The following DAB2IP variants were observed in gnomAD, a reference collection of about 807,000 sequenced individuals.
DAB2IP encodes the protein disabled homolog 2-interacting protein.
DAB2IP carries 28 observed loss-of-function variants against 107.2 expected under a neutral mutation model. The ratio of observed to expected loss-of-function variants is 0.26; its 90% CI spans 0.19 to 0.36. The LOEUF (loss-of-function observed/expected upper bound fraction) is 0.36. Among genes scored for constraint, DAB2IP ranks in the 10% least tolerant of loss-of-function variants. The probability of loss-of-function intolerance (pLI) is 1.00; values close to 1 mark genes in which losing one functional copy is unlikely to be tolerated. For synonymous variants in DAB2IP, 755 were observed against 706.4 expected (o/e 1.07, Z -1.09); for missense variants, 1,400 against 1,644.7 (o/e 0.85, Z 2.57).
rs1042993697 is a variant in DAB2IP at position 121,633,178 on chromosome 9, G to A, written c.41-45500G>A. Among the ~76,000 whole-genome samples, 6 of 152,306 alleles carry A rather than the reference G, an allele frequency of 3.9e-5. No individual in the cohort carries two copies. The East Asian group carries it at 1.2e-3, about 29-fold the overall frequency. On this transcript the variant is annotated intron_variant, in intron 1 of 16. Coordinates refer to the DAB2IP transcript ENST00000259371. This position sits in a 1 kb window ranked among gnomAD's most constrained non-coding sequence, Gnocchi z 5.1. The stretch of plus-strand genomic sequence containing the variant: ...AAACTCCTGAAAAATTCATGAGCAC[G>A]CTGGGAATAGAGACCTCATCGGGAA...
chr9:121,776,534 G>A lies in DAB2IP; in HGVS notation c.3314+143G>A. On this transcript the variant is annotated intron_variant, in intron 14 of 15. Coordinates refer to ENST00000408936, the Ensembl canonical transcript of DAB2IP. The surrounding 1 kb of genome is among the most constrained non-coding windows in gnomAD (Gnocchi z 5.4). ...AGGGAAGAGAGTGTCTGGGCAGTGG[G>A]AGCAGCGTGAGCACAGGCCTGGAGG... is the stretch of plus-strand genomic sequence containing the variant. The A allele has an allele frequency of 1.0e-6, 1 of 996,152 alleles. No homozygotes were observed. The highest frequency in any genetic ancestry group is 1.4e-6 in the Non-Finnish European group (1 of 698,408). 61.7% of individuals were successfully genotyped at this position (996,152 alleles called of 1,614,324 possible).
At position 121,702,343 on chromosome 9, in the gene DAB2IP, T is replaced by C. The variant is rs1231148925; in HGVS notation, c.362+2885T>C. Among the ~76,000 whole-genome samples the C allele has an allele frequency of 6.6e-6, 1 of 152,024 alleles. No individual in the cohort carries two copies. Among genetic ancestry groups the C allele is most frequent in the Admixed American group, 6.6e-5 (1 of 15,254 alleles). ...GGCTGGTTGGGATTGAGGGTTGCTATCTGGTTGTGAGGCTGGGGTCAGGCC... is the reference window on the plus strand; with the variant it reads ...GGCTGGTTGGGATTGAGGGTTGCTACCTGGTTGTGAGGCTGGGGTCAGGCC... On this transcript the variant is annotated intron_variant, in intron 3 of 15. Coordinates refer to ENST00000408936, the Ensembl canonical transcript of DAB2IP. This position sits in a 1 kb window ranked among gnomAD's most constrained non-coding sequence, Gnocchi z 4.5.
chr9:121,585,266 T>G (rs1830287688), intron 1 of DAB2IP, among the ~76,000 whole-genome samples: 1 of 152,086 alleles, frequency 6.6e-6, no homozygotes, highest in Non-Finnish European at 1.5e-5. Context: ...CAATTCCTGG[T>G]GGGTTCAGGA....
intron 3 of DAB2IP, among the ~76,000 whole-genome samples, chr9:121,703,433 A>G (rs1428630580): frequency 2.0e-5 from 3 of 152,036 alleles, no homozygotes; most frequent in Non-Finnish European, 4.4e-5. Context: ...TGATGTCAAG[A>G]TGATAGTGCA....
intron 3 of DAB2IP, among the ~76,000 whole-genome samples, chr9:121,714,497 C>G (rs550409979): frequency 1.3e-5 from 2 of 152,140 alleles, no homozygotes; most frequent in Non-Finnish European, 2.9e-5. Context: ...CCTTTTAGGG[C>G]GGGGCACCGA....
intron 3 of DAB2IP, among the ~76,000 whole-genome samples, chr9:121,724,396 C>T (rs1831108456): frequency 6.6e-6 from 1 of 152,122 alleles, no homozygotes; most frequent in Non-Finnish European, 1.5e-5. Context: ...GGCTTGCTGC[C>T]CCACTTCATT....
In DAB2IP at chr9:121,702,665, C is replaced by A. The variant is rs1010050283; in HGVS notation, c.362+3207C>A. ...ACTGGAAATGCTGCTGCTTCATTTA[C>A]AGGGCTGTTTTAATGTTGGTAAAAG... On this transcript the variant is annotated intron_variant, in intron 3 of 15. Coordinates refer to ENST00000408936, the Ensembl canonical transcript of DAB2IP. The surrounding 1 kb of genome is among the most constrained non-coding windows in gnomAD (Gnocchi z 4.5). Among the ~76,000 whole-genome samples, 1 of 152,162 alleles carries A rather than the reference C, an allele frequency of 6.6e-6. No homozygotes were observed. Among genetic ancestry groups the A allele is most frequent in the Non-Finnish European group, 1.5e-5 (1 of 68,036 alleles).
intron 1 of DAB2IP, among the ~76,000 whole-genome samples, chr9:121,581,783 C>T (rs1304095018): frequency 6.6e-6 from 1 of 152,130 alleles, no homozygotes; most frequent in African/African-American, 2.4e-5. Context: ...CTCAGCAGTC[C>T]CAGTAAAGTA....
chr9:121,773,250 C>A, exon 12 of DAB2IP: 1 of 1,547,866 alleles, frequency 6.5e-7, no homozygotes. Context: ...GGTGCCACGG[C>A]AGAACAGTGC....
At chr9:121,719,529 A>T (rs1451333174) in intron 3 of DAB2IP, among the ~76,000 whole-genome samples, 1 of 152,196 alleles carries the variant, frequency 6.6e-6, no homozygotes. Flanking sequence ...GGCCTGGAGC[A>T]TCGGGAGAGT....
chr9:121,739,097 A>G (rs537110424), intron 3 of DAB2IP, among the ~76,000 whole-genome samples: 18 of 152,346 alleles, frequency 1.2e-4, no homozygotes, highest in African/African-American at 4.1e-4. Context: ...GCAAGATGCT[A>G]TGAAGGAAAC....
chr9:121,610,825 A>G (rs1172989126), intron 1 of DAB2IP, among the ~76,000 whole-genome samples: 1 of 152,140 alleles, frequency 6.6e-6, no homozygotes, highest in Admixed American at 6.5e-5. Context: ...ACGGACCGCC[A>G]GTCCTGGGCC....
chr9:121,758,581 C>A (rs1184698162), intron 4 of DAB2IP, among the ~76,000 whole-genome samples: 1 of 152,136 alleles, frequency 6.6e-6, no homozygotes. Context: ...CTCTTCCCAT[C>A]TCAGGGAGAG....
chr9:121,756,977 G>A (rs1349615585), intron 3 of DAB2IP, 36 bp from the exon 4 acceptor site: 1 of 1,612,872 alleles, frequency 6.2e-7, no homozygotes, highest in Admixed American at 1.7e-5. Flanking sequence ...GACCCGGGCT[G>A]TGGGGGCCCA....
chr9:121,585,335 T>A (rs893425732), intron 1 of DAB2IP, among the ~76,000 whole-genome samples: 2 of 152,044 alleles, frequency 1.3e-5, no homozygotes, highest in Admixed American at 1.3e-4. Context: ...CCTTACTAGA[T>A]AGATTTGTGA....
At chr9:121,770,683 A>T in exon 11 of DAB2IP, 2 of 1,613,694 alleles carry the variant, frequency 1.2e-6, no homozygotes, top group Non-Finnish European at 1.7e-6. Context: ...GCAGCATCTC[A>T]GCTGGGCTGC....
At chr9:121,755,217 CAGCGGTGTGGCGGTGTGATGT>C (rs1358098162) in intron 3 of DAB2IP, among the ~76,000 whole-genome samples, 8 of 152,198 alleles carry the variant, frequency 5.3e-5, no homozygotes, top group African/African-American at 1.9e-4. Context: ...TGTTCCAACA[CAGCGGTGTGGCGGTGTGATGT>C]GGTGGTGTGG....
rs972138285 is a variant in DAB2IP, at chr9:121,772,019, C to G, written c.2079-588C>G. Among the ~76,000 whole-genome samples the G allele has an allele frequency of 1.3e-5, 2 of 152,190 alleles. No homozygotes were observed. Among genetic ancestry groups the G allele is most frequent in the African/African-American group, 4.8e-5 (2 of 41,458 alleles). Reference sequence around the variant, plus strand: ...AGGAGGCCAGGGCAAGTGCAGCCCTCCCACCAAGTCATGCTCTCCACAGAG... The same window carrying G: ...AGGAGGCCAGGGCAAGTGCAGCCCTGCCACCAAGTCATGCTCTCCACAGAG... On this transcript the variant is annotated intron_variant, in intron 11 of 15. Coordinates refer to ENST00000408936, the Ensembl canonical transcript of DAB2IP. The surrounding 1 kb of genome is among the most constrained non-coding windows in gnomAD (Gnocchi z 4.7).
chr9:121,626,486 C>T (rs996816889), intron 1 of DAB2IP, among the ~76,000 whole-genome samples: 4 of 145,424 alleles, frequency 2.8e-5, no homozygotes, highest in East Asian at 4.0e-4. Context: ...TTCAGTGGTG[C>T]GATCTTGGCT....
Sources: gnomAD v4.1 joint callset for allele counts (sites outside exome capture counted in the v4.1 genomes callset) on GRCh38, gnomAD v4.1.1 for gene constraint, Gnocchi (gnomAD v3.1) non-coding constraint, MANE v1.5 for transcripts, NCBI Gene and HGNC (gene_info 2026-07-23, HGNC 2026-07-21) for gene names.